CRYBA4: variants seen among roughly 807,000 people sequenced by gnomAD.
CRYBA4 encodes crystallin beta A4.
A neutral mutation model predicts 31.7 loss-of-function variants in CRYBA4; 30 were observed. The ratio of observed to expected loss-of-function variants is 0.95; its 90% CI spans 0.71 to 1.28. CRYBA4 has a LOEUF of 1.28. CRYBA4 is among the 50% of genes most tolerant of loss of function. CRYBA4 has a pLI of 0.00. For synonymous variants in CRYBA4, 102 were observed against 102.3 expected, an observed-to-expected ratio of 1.00 and a Z score of 0.02; for missense variants, 225 against 260.7, an observed-to-expected ratio of 0.86 and a Z score of 0.94.
At chr22:26,618,452 G>A (rs1602334794), upstream of CRYBA4, among the ~76,000 whole-genome samples, 1 of 151,552 alleles carries the variant, frequency 6.6e-6, no homozygotes, top group Non-Finnish European at 1.5e-5. Context: ...AGGTGGGCAC[G>A]TGTCCCTGTT....
intron 4 of CRYBA4, among the ~76,000 whole-genome samples, chr22:26,625,907 C>CTT (rs58638498): frequency 3.4e-5 from 5 of 149,130 alleles, no homozygotes; most frequent in African/African-American, 7.4e-5. Context: ...GTTTTGTGCC[C>CTT]TTTTTTTTTT....
chr22:26,608,267 G>T, the CRYBA4 span, among the ~76,000 whole-genome samples: 1 of 152,336 alleles, frequency 6.6e-6, no homozygotes, highest in South Asian at 2.1e-4. Context: ...TGTTTCCTTG[G>T]AGTTGGTGAA....
intron 3 of CRYBA4, among the ~76,000 whole-genome samples, chr22:26,624,524 G>A (rs1669308864): frequency 6.6e-6 from 1 of 152,236 alleles, no homozygotes; most frequent in South Asian, 2.1e-4. Context: ...ACCTGTGAGT[G>A]CCACCTGAGG....
chr22:26,598,135 G>A, the CRYBA4 span, among the ~76,000 whole-genome samples: 39 of 151,508 alleles, frequency 2.6e-4, no homozygotes, highest in Non-Finnish European at 4.3e-4. Context: ...TGCCTGCCTC[G>A]GCCTCCCGAA....
intron 5 of CRYBA4, among the ~76,000 whole-genome samples, chr22:26,628,840 A>G (rs1373493859): frequency 6.6e-6 from 1 of 152,102 alleles, no homozygotes; most frequent in African/African-American, 2.4e-5. Flanking sequence ...TGATTCTATT[A>G]AAGGTTCCAA....
the CRYBA4 span, chr22:26,599,547 G>A: frequency 7.4e-6 from 12 of 1,614,144 alleles, no homozygotes; most frequent in Non-Finnish European, 1.0e-5. Context: ...GCCACTGCTT[G>A]TCACGCAGGC....
chr22:26,601,907 C>G, the CRYBA4 span: 57 of 1,612,304 alleles, frequency 3.5e-5, no homozygotes, highest in Non-Finnish European at 4.5e-5. Context: ...ACGCTGCCCA[C>G]GCGGTCACTG....
chr22:26,629,049 A>G (rs1929838718), intron 5 of CRYBA4, among the ~76,000 whole-genome samples: 1 of 152,158 alleles, frequency 6.6e-6, no homozygotes, highest in Admixed American at 6.5e-5. Context: ...GCCCCTAGCC[A>G]TAAAACACAG....
chr22:26,604,729 G>A, the CRYBA4 span, among the ~76,000 whole-genome samples: 1 of 152,230 alleles, frequency 6.6e-6, no homozygotes, highest in Non-Finnish European at 1.5e-5. Flanking sequence ...TGCCAGGCAG[G>A]GATGTAAGCA....
At chr22:26,593,751 C>T in the CRYBA4 span, among the ~76,000 whole-genome samples, 1 of 152,122 alleles carries the variant, frequency 6.6e-6, no homozygotes, top group Non-Finnish European at 1.5e-5. Context: ...GTCTCCAACT[C>T]CTGACCTCAA....
intron 3 of CRYBA4, 74 bp from the exon 4 acceptor site, chr22:26,625,407 A>G (rs1439715853): frequency 1.9e-6 from 3 of 1,559,120 alleles, no homozygotes; most frequent in Admixed American, 1.7e-5. Flanking sequence ...TGACCGTTCT[A>G]GACCCAATTG....
At chr22:26,616,025 AAAGAGGTGCGGAGGAGT>A in the CRYBA4 span, 1 of 838,200 alleles carries the variant, frequency 1.2e-6, no homozygotes, top group South Asian at 1.4e-5. Flanking sequence ...AAAGGAGGAG[AAAGAGGTGCGGAGGAGT>A]AAGAGGTGAA....
At chr22:26,615,804 G>T in the CRYBA4 span, among the ~76,000 whole-genome samples, 2 of 152,150 alleles carry the variant, frequency 1.3e-5, no homozygotes, top group African/African-American at 4.8e-5. Context: ...ATGAGCCACT[G>T]CGCCCGGCCC....
At chr22:26,593,801 C>T in the CRYBA4 span, among the ~76,000 whole-genome samples, 32 of 152,166 alleles carry the variant, frequency 2.1e-4, no homozygotes, top group African/African-American at 7.7e-4. Flanking sequence ...GCTGGGATTA[C>T]AAGTGTGAGC....
At chr22:26,599,428 A>G in the CRYBA4 span, 1 of 1,530,808 alleles carries the variant, frequency 6.5e-7, no homozygotes, top group Non-Finnish European at 8.9e-7. Flanking sequence ...GCCTGGGAAA[A>G]ATGGGGGAAA....
intron 3 of CRYBA4, among the ~76,000 whole-genome samples, 157 bp downstream of exon 3, chr22:26,623,509 G>A (rs559652146): frequency 2.6e-5 from 4 of 152,224 alleles, no homozygotes; most frequent in Admixed American, 6.5e-5. Context: ...TGCCATGTAA[G>A]ATTATGCAGG....
At chr22:26,605,671 CAAAAAA>C in the CRYBA4 span, among the ~76,000 whole-genome samples, 8 of 54,202 alleles carry the variant, frequency 1.5e-4, no homozygotes, top group South Asian at 2.7e-3. Context: ...AGATGTGTCT[CAAAAAA>C]AAAAAAAAAA....
At chr22:26,590,535 C>A in the CRYBA4 span, among the ~76,000 whole-genome samples, 1 of 152,170 alleles carries the variant, frequency 6.6e-6, no homozygotes, top group Non-Finnish European at 1.5e-5. Flanking sequence ...GTCATACACA[C>A]CAGTGGTTTT....
chr22:26,627,359 C>CCCTCCCTCCCTCCCTTCTTTCTTTCTTT (rs1404229613), intron 4 of CRYBA4, among the ~76,000 whole-genome samples: 15 of 41,862 alleles, frequency 3.6e-4, no homozygotes, highest in South Asian at 1.4e-3. Context: ...CTCCCTCCCT[C>CCCTCCCTCCCTCCCTTCTTTCTTTCTTT]CTTTCTTTCT....
Sources: gnomAD v4.1 joint callset for allele counts (sites outside exome capture counted in the v4.1 genomes callset) on GRCh38, gnomAD v4.1.1 for gene constraint, MANE v1.5 for transcripts, NCBI Gene and HGNC (gene_info 2026-07-23, HGNC 2026-07-21) for gene names.